Variants in SLC17A8 observed in about 807,000 individuals in gnomAD.
The protein encoded by SLC17A8 is vesicular glutamate transporter 3.
A neutral mutation model predicts 58.0 loss-of-function variants in SLC17A8; 31 were observed. The observed-to-expected ratio is 0.53, with a 90% CI of 0.40 to 0.72. SLC17A8 has a LOEUF of 0.72. Among genes scored for constraint, SLC17A8 ranks in the 30% least tolerant of loss-of-function variants. The probability of loss-of-function intolerance (pLI) is 0.00; values close to 1 mark genes in which losing one functional copy is unlikely to be tolerated. For missense variants in SLC17A8, 655 were observed against 727.8 expected (o/e 0.90, Z 1.15); for synonymous variants, 228 against 249.0 (o/e 0.92, Z 0.79).
chr12:100,368,637 T>G lies in SLC17A8; in HGVS notation c.101+11145T>G, dbSNP rs139672798. On this transcript the variant is annotated intron_variant, in intron 1 of 11. Coordinates refer to ENST00000323346, the MANE Select transcript of SLC17A8 (RefSeq NM_139319.3). The stretch of plus-strand genomic sequence containing the variant: ...GGGCATACTTTCCTGCTTCTTGATG[T>G]AAATGTTCATCAGATTCTACGACTC... Among the ~76,000 whole-genome samples, 1,041 of 152,318 alleles carry G rather than the reference T, an allele frequency of 6.8e-3. 5 individuals are homozygous for G. The highest frequency in any genetic ancestry group is 0.011 in the Non-Finnish European group (763 of 68,020).
chr12:100,380,140 G>A (rs894491462), intron 1 of SLC17A8, among the ~76,000 whole-genome samples: 4 of 149,266 alleles, frequency 2.7e-5, no homozygotes, highest in East Asian at 2.0e-4. Flanking sequence ...CAGAGGTTGC[G>A]GGGAGCCGAG....
In SLC17A8 at chr12:100,417,930, C is replaced by T. The variant is rs997874428; in HGVS notation, c.1298-99C>T. The T allele has an allele frequency of 5.3e-6, 8 of 1,505,460 alleles. No individual in the cohort carries two copies. In the East Asian group the frequency reaches 1.8e-4, roughly 34 times the overall value. 93.3% of individuals were successfully genotyped at this position (1,505,460 alleles called of 1,614,324 possible). On this transcript the variant is annotated intron_variant, in intron 10 of 11. Transcript: ENST00000323346. ...GAAACTAGTCATATACTAGAGGAAACCAAACAGATTGGTAAAGGCTGGGGC... is the reference window on the plus strand; with the variant it reads ...GAAACTAGTCATATACTAGAGGAAATCAAACAGATTGGTAAAGGCTGGGGC...
At position 100,363,113 on chromosome 12, in the gene SLC17A8, C is replaced by T. The variant is rs148912492; in HGVS notation, c.101+5621C>T. Among the ~76,000 whole-genome samples, 352 of 152,230 alleles carry T rather than the reference C, an allele frequency of 2.3e-3. 1 individual carries two copies. The highest frequency in any genetic ancestry group is 8.0e-3 in the African/African-American group (332 of 41,548). On this transcript the variant is annotated intron_variant, in intron 1 of 11. Transcript: ENST00000323346. ...CTTACCATGTCTTCTGGTCTTGGCACGAGGACCCCAAAGTGACTGAGCAGC... is the reference window on the plus strand; with the variant it reads ...CTTACCATGTCTTCTGGTCTTGGCATGAGGACCCCAAAGTGACTGAGCAGC...
At chr12:100,374,352 C>T (rs150641861) in intron 1 of SLC17A8, among the ~76,000 whole-genome samples, 96 of 152,294 alleles carry the variant, frequency 6.3e-4, no homozygotes, top group African/African-American at 2.2e-3. Context: ...TGGTTCACAC[C>T]TATAATCCCA....
intron 9 of SLC17A8, among the ~76,000 whole-genome samples, chr12:100,412,121 C>T (rs989982465): frequency 2.0e-5 from 3 of 152,070 alleles, no homozygotes; most frequent in African/African-American, 7.2e-5. Context: ...GACAGCTACC[C>T]ATGAAGCAAC....
intron 9 of SLC17A8, among the ~76,000 whole-genome samples, chr12:100,405,221 T>C (rs1007672114): frequency 6.6e-6 from 1 of 152,166 alleles, no homozygotes; most frequent in Non-Finnish European, 1.5e-5. Flanking sequence ...GCTTGAACTT[T>C]CTTGTAGAGG....
rs561561576 is a variant in SLC17A8, at chr12:100,367,698, G to A, written c.101+10206G>A. Among the ~76,000 whole-genome samples the A allele has an allele frequency of 2.1e-4, 32 of 152,190 alleles. No homozygotes were observed. In the South Asian group the frequency reaches 3.9e-3, roughly 19 times the overall value. Reference sequence around the variant, plus strand: ...CCTGAGTAGCTGAGACTACAGTTGCGAGCCACCATGCTTGGCTAATTTTTA... The same window carrying A: ...CCTGAGTAGCTGAGACTACAGTTGCAAGCCACCATGCTTGGCTAATTTTTA... On this transcript the variant is annotated intron_variant, in intron 1 of 11. Transcript: ENST00000323346.
chr12:100,392,104 G>A (rs1188385947), intron 3 of SLC17A8, among the ~76,000 whole-genome samples: 1 of 152,132 alleles, frequency 6.6e-6, no homozygotes, highest in African/African-American at 2.4e-5. Context: ...TAGAAAAGGA[G>A]TGAACTAAAT....
At chr12:100,372,756 GCT>G (rs1488366860) in intron 1 of SLC17A8, among the ~76,000 whole-genome samples, 1 of 151,976 alleles carries the variant, frequency 6.6e-6, no homozygotes, top group Non-Finnish European at 1.5e-5. Context: ...CTTTAGATAG[GCT>G]CTCTCTATAT....
At chr12:100,366,050 C>CTTTTTT (rs67071341) in intron 1 of SLC17A8, among the ~76,000 whole-genome samples, 4 of 90,858 alleles carry the variant, frequency 4.4e-5, no homozygotes, top group African/African-American at 9.1e-5. Context: ...GTGATCCCTT[C>CTTTTTT]TTTTTTTTTT....
chr12:100,375,929 C>A (rs752477193), intron 1 of SLC17A8, among the ~76,000 whole-genome samples: 2 of 152,102 alleles, frequency 1.3e-5, no homozygotes, highest in East Asian at 1.9e-4. Flanking sequence ...AAATTCTAAC[C>A]CTCAGTACCT....
rs531612189 is a variant in SLC17A8, at chr12:100,413,105, C to T, written c.1297+225C>T. Among the ~76,000 whole-genome samples the T allele has an allele frequency of 2.6e-5, 4 of 152,128 alleles. No homozygotes were observed. The Middle Eastern group carries it at 0.01, about 388-fold the overall frequency. ...GGAATTTTTCCTACTTACTTTGTTA[C>T]GGGAAAAGACACAAAGTGCAGATGA... On this transcript the variant is annotated intron_variant, in intron 10 of 11. Transcript: ENST00000323346.
At chr12:100,373,840 C>A (rs1041983714) in intron 1 of SLC17A8, among the ~76,000 whole-genome samples, 3 of 152,066 alleles carry the variant, frequency 2.0e-5, no homozygotes, top group African/African-American at 7.2e-5. Flanking sequence ...CCTCTCGCCT[C>A]AGCCTTCCAA....
chr12:100,381,041 G>A, intron 2 of SLC17A8, 88 bp downstream of exon 2: 1 of 1,512,344 alleles, frequency 6.6e-7, no homozygotes, highest in Non-Finnish European at 9.2e-7. Flanking sequence ...GCACGATCTT[G>A]GCTTACTGCA....
At chr12:100,394,880 G>GTATATAATATACATACACTAGTA (rs1555326666) in intron 4 of SLC17A8, among the ~76,000 whole-genome samples, 1 of 147,032 alleles carries the variant, frequency 6.8e-6, no homozygotes, top group Non-Finnish European at 1.5e-5. Context: ...TATAGTGTAT[G>GTATATAATATACATACACTAGTA]TATATAATAT....
intron 1 of SLC17A8, among the ~76,000 whole-genome samples, chr12:100,363,114 G>A (rs1285173192): frequency 2.0e-5 from 3 of 152,130 alleles, no homozygotes; most frequent in African/African-American, 4.8e-5. Context: ...GTCTTGGCAC[G>A]AGGACCCCAA....
intron 9 of SLC17A8, among the ~76,000 whole-genome samples, chr12:100,404,967 G>A (rs143042759): frequency 1.3e-4 from 20 of 152,366 alleles, no homozygotes; most frequent in Middle Eastern, 6.8e-3. Flanking sequence ...GGAGGTAGAG[G>A]ATAGCGCCAC....
chr12:100,415,372 T>C (rs1008606798), intron 10 of SLC17A8, among the ~76,000 whole-genome samples: 2 of 149,188 alleles, frequency 1.3e-5, no homozygotes, highest in African/African-American at 2.5e-5. Flanking sequence ...AGGCTGAGGT[T>C]GCAGTGAGCC....
intron 8 of SLC17A8, 146 bp downstream of exon 8, chr12:100,402,891 A>G: frequency 1.3e-6 from 1 of 799,854 alleles, no homozygotes; most frequent in East Asian, 2.7e-5. Flanking sequence ...CAGACAAGTT[A>G]TACATTCTAT....
Sources: gnomAD v4.1 joint callset for allele counts (sites outside exome capture counted in the v4.1 genomes callset) on GRCh38, gnomAD v4.1.1 for gene constraint, MANE v1.5 for transcripts, NCBI Gene and HGNC (gene_info 2026-07-23, HGNC 2026-07-21) for gene names.